The following SGCD variants were observed in gnomAD, a reference collection of about 807,000 sequenced individuals.
SGCD encodes sarcoglycan delta.
SGCD carries 18 observed loss-of-function variants against 36.6 expected under a neutral mutation model. The ratio of observed to expected loss-of-function variants is 0.49; its 90% CI spans 0.34 to 0.73. The LOEUF is 0.73. Ranked by LOEUF, SGCD falls within the 30% of genes least tolerant of loss-of-function variation. SGCD has a pLI of 0.01. For missense variants in SGCD, 387 were observed against 346.7 expected (o/e 1.12, Z -0.92); for synonymous variants, 133 against 130.6 (o/e 1.02, Z -0.12).
chr5:156,251,157 A>G (rs1765566341), intron 3 of SGCD, among the ~76,000 whole-genome samples: 1 of 152,206 alleles, frequency 6.6e-6, no homozygotes, highest in Non-Finnish European at 1.5e-5. Flanking sequence ...ACCAAATACC[A>G]CATTTCTTTT....
At chr5:155,854,903 T>TTATAA in the SGCD span, among the ~76,000 whole-genome samples, 1 of 152,066 alleles carries the variant, frequency 6.6e-6, no homozygotes, top group Non-Finnish European at 1.5e-5. Context: ...CTACTGTCAT[T>TTATAA]TTATAGAGAG....
intron 3 of SGCD, among the ~76,000 whole-genome samples, chr5:156,396,395 TA>T (rs1355681395): frequency 6.6e-6 from 1 of 152,210 alleles, no homozygotes; most frequent in Admixed American, 6.5e-5. Flanking sequence ...TGCCTCTCAT[TA>T]GCAGCAAAAT....
At chr5:156,645,423 C>T (rs542395646) in intron 6 of SGCD, among the ~76,000 whole-genome samples, 15 of 151,980 alleles carry the variant, frequency 9.9e-5, no homozygotes, top group African/African-American at 3.6e-4. Context: ...AAAGAAATGG[C>T]CTTTTTGAAG....
chr5:156,616,686 C>T (rs548049199), intron 6 of SGCD, among the ~76,000 whole-genome samples: 1 of 152,326 alleles, frequency 6.6e-6, no homozygotes, highest in South Asian at 2.1e-4. Context: ...CTAATGGCCT[C>T]TTCCTTTGTG....
intron 6 of SGCD, among the ~76,000 whole-genome samples, chr5:156,606,375 T>C (rs1761454072): frequency 1.3e-5 from 2 of 152,328 alleles, no homozygotes; most frequent in South Asian, 2.1e-4. Context: ...GCATTATTTC[T>C]GAGGGCTCTG....
chr5:156,718,883 T>TTA lies in SGCD; in HGVS notation c.576-38687_576-38686dup, dbSNP rs536386490. ...CCTGTAGTCCCAGCTACGTATTATA[T>TTA]TATATATATATAAAGATGAAAAGAA... On this transcript the variant is annotated intron_variant, in intron 7 of 8. Transcript: ENST00000337851. Among the ~76,000 whole-genome samples, 96 of 150,580 alleles carry TTA rather than the reference T, an allele frequency of 6.4e-4. 1 individual carries two copies. The highest frequency in any genetic ancestry group is 2.2e-3 in the African/African-American group (88 of 40,824).
At chr5:156,472,080 A>G (rs1754996395) in intron 3 of SGCD, among the ~76,000 whole-genome samples, 1 of 152,194 alleles carries the variant, frequency 6.6e-6, no homozygotes, top group African/African-American at 2.4e-5. Context: ...ATACACTAGA[A>G]CAGCTAAAAT....
chr5:155,738,515 A>G, the SGCD span, among the ~76,000 whole-genome samples: 3 of 152,070 alleles, frequency 2.0e-5, no homozygotes, highest in Non-Finnish European at 2.9e-5. Flanking sequence ...CTGCCTCATT[A>G]TTTTTCTGAG....
intron 3 of SGCD, among the ~76,000 whole-genome samples, chr5:156,418,259 A>G (rs1487276347): frequency 6.6e-6 from 1 of 152,164 alleles, no homozygotes; most frequent in Non-Finnish European, 1.5e-5. Flanking sequence ...TCATAAAATT[A>G]AGTCTTGATG....
chr5:155,836,990 A>G, the SGCD span, among the ~76,000 whole-genome samples: 1 of 152,178 alleles, frequency 6.6e-6, no homozygotes, highest in Non-Finnish European at 1.5e-5. Flanking sequence ...ACAAATGCAC[A>G]TGTGCAAACT....
intron 3 of SGCD, among the ~76,000 whole-genome samples, chr5:156,415,878 A>C (rs1228794204): frequency 6.6e-6 from 1 of 152,166 alleles, no homozygotes; most frequent in Non-Finnish European, 1.5e-5. Flanking sequence ...TCGCTTTAAA[A>C]CTTTTAGCTA....
At chr5:155,784,071 C>CT in the SGCD span, among the ~76,000 whole-genome samples, 2 of 152,274 alleles carry the variant, frequency 1.3e-5, no homozygotes, top group African/African-American at 4.8e-5. Context: ...CAGAAAGGGC[C>CT]TTCTAGTCCA....
At chr5:155,757,644 A>G in the SGCD span, among the ~76,000 whole-genome samples, 1 of 152,174 alleles carries the variant, frequency 6.6e-6, no homozygotes, top group Non-Finnish European at 1.5e-5. Flanking sequence ...AAGAACTGAA[A>G]GGGACATGCC....
chr5:156,469,161 A>G (rs1167120188), intron 3 of SGCD, among the ~76,000 whole-genome samples: 2 of 152,066 alleles, frequency 1.3e-5, no homozygotes, highest in African/African-American at 4.8e-5. Flanking sequence ...TAAATCCTCT[A>G]GAAACTCTGT....
chr5:155,990,005 C>T (rs1247860614), intron 1 of SGCD, among the ~76,000 whole-genome samples: 1 of 152,164 alleles, frequency 6.6e-6, no homozygotes, highest in Non-Finnish European at 1.5e-5. Flanking sequence ...CTCTTCCAAA[C>T]CAATTACTCA....
intron 1 of SGCD, among the ~76,000 whole-genome samples, chr5:155,946,953 A>G (rs551842806): frequency 1.3e-5 from 2 of 152,346 alleles, no homozygotes; most frequent in African/African-American, 4.8e-5. Flanking sequence ...CAAGGGTCAT[A>G]GAACCTGGCA....
intron 1 of SGCD, among the ~76,000 whole-genome samples, chr5:155,880,090 G>A (rs929532834): frequency 6.6e-6 from 1 of 152,168 alleles, no homozygotes; most frequent in Non-Finnish European, 1.5e-5. Flanking sequence ...TAAGAGCTCT[G>A]AAGTTAGCCA....
chr5:156,065,492 G>C (rs1452435520), intron 1 of SGCD, among the ~76,000 whole-genome samples: 2 of 93,100 alleles, frequency 2.1e-5, no homozygotes, highest in African/African-American at 1.1e-4. Flanking sequence ...GGGTATCCTT[G>C]TTGACTTTCT....
At chr5:156,052,959 G>A (rs563828025) in intron 1 of SGCD, among the ~76,000 whole-genome samples, 21 of 146,026 alleles carry the variant, frequency 1.4e-4, no homozygotes, top group Admixed American at 9.6e-4. Flanking sequence ...CCAATGTGTT[G>A]TGCCCCCCTG....
Sources: allele counts gnomAD v4.1 joint callset (sites outside exome capture counted in the v4.1 genomes callset), GRCh38; gene constraint gnomAD v4.1.1; transcripts MANE v1.5; gene names NCBI Gene and HGNC (gene_info 2026-07-23, HGNC 2026-07-21).